UNC13C: variants seen among roughly 807,000 people sequenced by gnomAD.
The protein encoded by UNC13C is unc-13 homolog C, also known as protein unc-13 homolog C.
Under a neutral mutation model 245.4 loss-of-function variants are expected in UNC13C, and 174 were observed. The ratio of observed to expected loss-of-function variants is 0.71; its 90% CI spans 0.63 to 0.80. UNC13C has a LOEUF of 0.80. Ranked by LOEUF, UNC13C falls within the 30% of genes least tolerant of loss-of-function variation. UNC13C has a pLI of 0.00. For synonymous variants in UNC13C, 992 were observed against 895.1 expected, an observed-to-expected ratio of 1.11 and a Z score of -1.93; for missense variants, 2,829 against 2,602.9, an observed-to-expected ratio of 1.09 and a Z score of -1.89.
intron 2 of UNC13C, among the ~76,000 whole-genome samples, chr15:54,126,549 G>A (rs1037034326): frequency 6.6e-6 from 1 of 151,922 alleles, no homozygotes; most frequent in Admixed American, 6.6e-5. Flanking sequence ...CTACACTGAT[G>A]AAATTAACTC....
intron 16 of UNC13C, among the ~76,000 whole-genome samples, chr15:54,337,390 A>T (rs1337008249): frequency 6.6e-6 from 1 of 152,112 alleles, no homozygotes; most frequent in Admixed American, 6.5e-5. Context: ...CTTGAAATTC[A>T]TATATATGCC....
intron 2 of UNC13C, among the ~76,000 whole-genome samples, chr15:54,055,010 T>C (rs1331772325): frequency 6.6e-6 from 1 of 152,156 alleles, no homozygotes; most frequent in African/African-American, 2.4e-5. Context: ...TTGCTTTATT[T>C]ATTCTTCTTT....
chr15:53,893,861 C>T, the UNC13C span, among the ~76,000 whole-genome samples: 3 of 152,266 alleles, frequency 2.0e-5, no homozygotes, highest in South Asian at 2.1e-4. Context: ...GGGGAGTGAA[C>T]GGTTCCGTCT....
Position 54,410,460 on chromosome 15 carries a change from T to C in UNC13C, c.4848-4522T>C, listed in dbSNP as rs561999337. Among the ~76,000 whole-genome samples, 46 of 152,276 alleles carry C rather than the reference T, an allele frequency of 3.0e-4. 2 individuals carry two copies. In the South Asian group the frequency reaches 9.6e-3, roughly 32 times the overall value. ...TCTTTGCCAAGGCCTATGTCCAGAA[T>C]GGCATTTTCTAGGTGTTCTTCTGGG... On this transcript the variant is annotated intron_variant, in intron 18 of 32. Transcript: ENST00000260323.
At chr15:54,200,679 A>T (rs939797587) in intron 4 of UNC13C, among the ~76,000 whole-genome samples, 1 of 152,036 alleles carries the variant, frequency 6.6e-6, no homozygotes, top group Non-Finnish European at 1.5e-5. Context: ...AAGTGGTGCT[A>T]AGAGGAAAGT....
intron 15 of UNC13C, among the ~76,000 whole-genome samples, chr15:54,333,088 G>A (rs993947297): frequency 7.2e-5 from 11 of 151,918 alleles, no homozygotes; most frequent in Non-Finnish European, 1.0e-4. Flanking sequence ...TGAATATCTC[G>A]TAATTAGCGA....
At chr15:54,339,715 T>A (rs757671996) in intron 17 of UNC13C, among the ~76,000 whole-genome samples, 2 of 152,062 alleles carry the variant, frequency 1.3e-5, no homozygotes, top group African/African-American at 2.4e-5. Context: ...GCTGGTTCCA[T>A]ATTTTTAGAA....
chr15:53,997,555 A>G (rs11855060), intron 1 of UNC13C, among the ~76,000 whole-genome samples: 86,547 of 151,960 alleles, frequency 0.57, 26,882 homozygotes, highest in Middle Eastern at 0.74. Context: ...TTAATTCTGT[A>G]TGCAGAATTA....
intron 16 of UNC13C, among the ~76,000 whole-genome samples, chr15:54,336,342 C>G (rs2038574921): frequency 6.6e-6 from 1 of 151,398 alleles, no homozygotes; most frequent in South Asian, 2.1e-4. Context: ...ATACAGTAGT[C>G]TCGAGTTTTG....
rs191391095 is a variant in UNC13C, at chr15:54,216,601, A to G, written c.3072-18429A>G. 2.4e-4 allele frequency among the ~76,000 whole-genome samples: 36 copies of G among 152,086 alleles called. No homozygotes were observed. In the East Asian group the frequency reaches 6.8e-3, roughly 29 times the overall value. Reference sequence around the variant, plus strand: ...CACTTCCTATACAAATTTACTAGAGAGAAAGCAAGAGAGGGCAAATATGAC... The same window carrying G: ...CACTTCCTATACAAATTTACTAGAGGGAAAGCAAGAGAGGGCAAATATGAC... On this transcript the variant is annotated intron_variant, in intron 4 of 32. Coordinates refer to ENST00000260323, the MANE Select transcript of UNC13C (RefSeq NM_001080534.3).
the UNC13C span, among the ~76,000 whole-genome samples, chr15:53,910,507 G>A: frequency 6.8e-5 from 10 of 146,764 alleles, 1 homozygote; most frequent in East Asian, 1.4e-3. Context: ...CTTGGGGCTC[G>A]GCTCAGCTCA....
At chr15:54,572,548 C>A (rs1388220754) in intron 30 of UNC13C, among the ~76,000 whole-genome samples, 1 of 151,330 alleles carries the variant, frequency 6.6e-6, no homozygotes. Context: ...GCCTCAGCCT[C>A]CTGGGTAGCT....
chr15:54,400,834 T>C (rs1316957626), intron 18 of UNC13C, among the ~76,000 whole-genome samples: 1 of 152,212 alleles, frequency 6.6e-6, no homozygotes, highest in Non-Finnish European at 1.5e-5. Flanking sequence ...ATGTGCCATG[T>C]TGGTGTGCTG....
At chr15:53,908,469 G>A in the UNC13C span, among the ~76,000 whole-genome samples, 1 of 145,936 alleles carries the variant, frequency 6.9e-6, no homozygotes, top group Non-Finnish European at 1.5e-5. Flanking sequence ...TAAAAATGTA[G>A]TATGCATGCC....
intron 4 of UNC13C, among the ~76,000 whole-genome samples, chr15:54,204,481 C>A (rs72748241): frequency 8.0e-4 from 121 of 151,820 alleles, no homozygotes; most frequent in Non-Finnish European, 1.6e-3. Flanking sequence ...AAAGATTAAA[C>A]AAATGGAGAT....
At chr15:54,397,095 T>C (rs992106806) in intron 18 of UNC13C, among the ~76,000 whole-genome samples, 2 of 151,486 alleles carry the variant, frequency 1.3e-5, no homozygotes, top group Admixed American at 6.6e-5. Flanking sequence ...AAAAATTCTA[T>C]TTTAGAAATC....
Position 54,013,801 on chromosome 15 carries a change from A to G in UNC13C, c.898A>G (p.Arg300Gly), listed in dbSNP as rs1895502317. The G allele has an allele frequency of 1.2e-6, 2 of 1,611,816 alleles. No individual in the cohort carries two copies. The highest frequency in any genetic ancestry group is 1.7e-6 in the Non-Finnish European group (2 of 1,179,082). Residue 300 changes from arginine to glycine, a missense_variant, in exon 2 of 33, where the codon AGG (arginine) becomes GGG (glycine). By Grantham distance (125) the Arg-to-Gly change is moderately radical (BLOSUM62 -2). Transcript: ENST00000260323. ...GCGCACAGGGTTTGTCCAGTCTCGG[A>G]GGGAAACTAGAGACATCCATGATTA... is the stretch of plus-strand genomic sequence containing the variant. ...QLRTGFVQSR[R>G]ETRDIHDYIK...
At chr15:54,606,341 GA>G (rs1321486290) in intron 30 of UNC13C, among the ~76,000 whole-genome samples, 1 of 152,122 alleles carries the variant, frequency 6.6e-6, no homozygotes, top group Non-Finnish European at 1.5e-5. Context: ...TTTATAACTT[GA>G]AGGAATTTAT....
At chr15:53,891,656 G>T in the UNC13C span, among the ~76,000 whole-genome samples, 1 of 152,108 alleles carries the variant, frequency 6.6e-6, no homozygotes, top group Non-Finnish European at 1.5e-5. Flanking sequence ...TTTAAAGTCT[G>T]TTTTTATCTG....
Sources: gnomAD v4.1 joint callset for allele counts (sites outside exome capture counted in the v4.1 genomes callset) on GRCh38, gnomAD v4.1.1 for gene constraint, MANE v1.5 for transcripts, NCBI Gene and HGNC (gene_info 2026-07-23, HGNC 2026-07-21) for gene names.